The following CELF6 variants were observed in gnomAD, a reference collection of about 807,000 sequenced individuals.
CELF6 encodes CUGBP Elav-like family member 6.
In CELF6, 32 loss-of-function variants were observed where a neutral mutation model predicts 53.1. That is an observed-to-expected ratio of 0.60 (90% CI 0.46 to 0.81). CELF6 has a LOEUF of 0.81. Ranked by LOEUF, CELF6 falls within the 30% of genes least tolerant of loss-of-function variation. The pLI, the probability that CELF6 is intolerant of heterozygous loss-of-function variation, is 0.00. For missense variants in CELF6, 539 were observed against 669.5 expected (o/e 0.81, Z 2.15); for synonymous variants, 291 against 288.8 (o/e 1.01, Z -0.08).
rs146928966 is a variant in CELF6, at chr15:72,290,233, C to T, written c.417G>A (p.Gly139=). The T allele has an allele frequency of 6.2e-7, 1 of 1,613,630 alleles. No individual in the cohort carries two copies. The highest frequency in any genetic ancestry group is 8.5e-7 in the Non-Finnish European group (1 of 1,179,862). Residue 139 remains glycine, a synonymous_variant, in exon 4 of 13, where the codon GGG becomes GGA. Coordinates refer to ENST00000287202, the MANE Select transcript of CELF6 (RefSeq NM_052840.5). ...GRGEDRKLFV[G]MLGKQQGEED... is the part of the protein sequence containing the mutation. ...CCTCACCCTGCTGCTTGCCCAGCAT[C>T]CCCACAAACAGCTTTCGGTCCTCTG...
chr15:72,291,082 T>C (rs1024540255), intron 3 of CELF6, among the ~76,000 whole-genome samples: 1 of 152,198 alleles, frequency 6.6e-6, no homozygotes, highest in African/African-American at 2.4e-5. Flanking sequence ...CCCAAAATGT[T>C]CATGCTATGA....
intron 3 of CELF6, 31 bp downstream of exon 3, chr15:72,304,715 C>T (rs1422514946): frequency 1.2e-6 from 2 of 1,609,682 alleles, no homozygotes; most frequent in African/African-American, 2.7e-5. Context: ...ACACGGGTTG[C>T]AGCCTGAGGT....
chr15:72,287,424 G>T, intron 11 of CELF6, 32 bp from the exon 12 acceptor site: 2 of 1,612,486 alleles, frequency 1.2e-6, no homozygotes, highest in Admixed American at 1.7e-5. Flanking sequence ...ATTAGCTGGG[G>T]ACTCTGCCTA....
chr15:72,308,043 A>C (rs2088252285), intron 2 of CELF6, among the ~76,000 whole-genome samples: 1 of 152,108 alleles, frequency 6.6e-6, no homozygotes, highest in Non-Finnish European at 1.5e-5. Context: ...GGTAGAGCAA[A>C]TTGCTTCCTA....
At chr15:72,293,523 C>G (rs1207843698) in intron 3 of CELF6, among the ~76,000 whole-genome samples, 2 of 152,064 alleles carry the variant, frequency 1.3e-5, no homozygotes, top group Non-Finnish European at 2.9e-5. Flanking sequence ...TGGGTAGTAT[C>G]CTAGAAAGAT....
chr15:72,300,770 G>T (rs1314371325), intron 3 of CELF6, among the ~76,000 whole-genome samples: 8 of 151,976 alleles, frequency 5.3e-5, no homozygotes, highest in Non-Finnish European at 1.2e-4. Context: ...GGAGGCAGAG[G>T]TTGCGTTGAG....
At chr15:72,315,763 C>G in intron 2 of CELF6, 82 bp downstream of exon 2, 1 of 916,510 alleles carries the variant, frequency 1.1e-6, no homozygotes, top group Non-Finnish European at 1.6e-6. Flanking sequence ...CCCAACCCAG[C>G]CCCCACATGC....
At chr15:72,304,838 G>T (rs1234022587) in intron 2 of CELF6, 44 bp from the exon 3 acceptor site, 4 of 1,600,314 alleles carry the variant, frequency 2.5e-6, no homozygotes, top group Non-Finnish European at 3.4e-6. Context: ...GTGACTGCCT[G>T]GTCCTGGAGC....
chr15:72,294,868 C>T (rs1273008879), intron 3 of CELF6, among the ~76,000 whole-genome samples: 1 of 151,462 alleles, frequency 6.6e-6, no homozygotes, highest in Non-Finnish European at 1.5e-5. Context: ...GTCCCAGCTA[C>T]TCGCAAGGCT....
rs542485502 is a variant in CELF6, at chr15:72,294,075, A to G, written c.395-3820T>C. ...ATGAAGCTGCCTTGTGCAGCTGGTC[A>G]TATAGGTCAGGGATTCGAATGCAGC... On this transcript the variant is annotated intron_variant, in intron 3 of 12. Coordinates refer to ENST00000287202, the MANE Select transcript of CELF6 (RefSeq NM_052840.5). Among the ~76,000 whole-genome samples, 416 of 152,302 alleles carry G rather than the reference A, an allele frequency of 2.7e-3. 2 individuals are homozygous for G. The highest frequency in any genetic ancestry group is 9.5e-3 in the African/African-American group (396 of 41,564).
At chr15:72,316,006 A>G (rs941835179) in intron 1 of CELF6, 79 bp from the exon 2 acceptor site, 28 of 940,170 alleles carry the variant, frequency 3.0e-5, no homozygotes, top group Non-Finnish European at 4.1e-5. Context: ...CTAAGTTGAC[A>G]AACTTAAGGC....
rs188313850 is a variant in CELF6, at chr15:72,319,342, A to T, written c.262+271T>A. Among the ~76,000 whole-genome samples the T allele has an allele frequency of 1.3e-5, 2 of 152,152 alleles. No homozygotes were observed. The highest frequency in any genetic ancestry group is 4.8e-5 in the African/African-American group (2 of 41,434). On this transcript the variant is annotated intron_variant, in intron 1 of 12. Transcript: ENST00000287202. The surrounding 1 kb of genome is among the most constrained non-coding windows in gnomAD (Gnocchi z 5.0). ...ATGGGAGAGGTGGTGGAAAGGTCCAATTGAAAGGCAGGGACTGCTGGGATG... is the reference window on the plus strand; with the variant it reads ...ATGGGAGAGGTGGTGGAAAGGTCCATTTGAAAGGCAGGGACTGCTGGGATG...
rs553650318 is a variant in CELF6, at chr15:72,306,185, C to T, written c.346-1391G>A. ...TGGGGATCACATGAGGTAATGGGGA[C>T]GCAAAAGGTCTTTGTAAACTGCCAA... On this transcript the variant is annotated intron_variant, in intron 2 of 12. Coordinates refer to ENST00000287202, the MANE Select transcript of CELF6 (RefSeq NM_052840.5). 2.7e-5 allele frequency: 26 copies of T among 976,746 alleles called. No homozygotes were observed. In the African/African-American group the frequency reaches 3.5e-4, roughly 13 times the overall value. 60.5% of individuals were successfully genotyped at this position (976,746 alleles called of 1,614,324 possible).
chr15:72,288,809 T>C lies in CELF6; in HGVS notation c.1093+59A>G. Reference sequence around the variant, plus strand: ...ACAGAGCCTAAATCCCCCACAACTCTCCCTATTTCTTTCTAGGGCCCTTCA... The same window carrying C: ...ACAGAGCCTAAATCCCCCACAACTCCCCCTATTTCTTTCTAGGGCCCTTCA... On this transcript the variant is annotated intron_variant, in intron 9 of 12. Coordinates refer to ENST00000287202, the MANE Select transcript of CELF6 (RefSeq NM_052840.5). This position sits in a 1 kb window ranked among gnomAD's most constrained non-coding sequence, Gnocchi z 4.6. 6.8e-7 allele frequency: 1 copy of C among 1,467,638 alleles called. No individual in the cohort carries two copies. Among genetic ancestry groups the C allele is most frequent in the Non-Finnish European group, 9.3e-7 (1 of 1,071,070 alleles). 90.9% of individuals were successfully genotyped at this position (1,467,638 alleles called of 1,614,324 possible). A position where few individuals can be genotyped will look rare whatever the true frequency, so the allele number is the denominator to read the frequency against.
At chr15:72,304,559 G>T (rs751355663) in intron 3 of CELF6, among the ~76,000 whole-genome samples, 187 bp downstream of exon 3, 7 of 152,094 alleles carry the variant, frequency 4.6e-5, no homozygotes, top group Non-Finnish European at 7.4e-5. Context: ...GGGCTCCCCA[G>T]AACCCCAGCC....
At position 72,319,952 on chromosome 15, in the gene CELF6, G is replaced by A. The variant is rs2088408387; in HGVS notation, c.-78C>T. On this transcript the variant is annotated 5_prime_UTR_variant, in exon 1 of 13. Transcript: ENST00000287202. The surrounding 1 kb of genome is among the most constrained non-coding windows in gnomAD (Gnocchi z 5.0). Reference sequence around the variant, plus strand: ...CGTCCCCTCCCTGGACCGGTGGCGAGGGCCAGGGGGAGGGGGCGGAGCCCG... The same window carrying A: ...CGTCCCCTCCCTGGACCGGTGGCGAAGGCCAGGGGGAGGGGGCGGAGCCCG... 5 of 1,375,650 alleles carry A rather than the reference G, an allele frequency of 3.6e-6. No individual in the cohort carries two copies. Among genetic ancestry groups the A allele is most frequent in the Middle Eastern group, 2.7e-4 (1 of 3,672 alleles). The allele number at this position is 1,375,650 out of a possible 1,614,324, so 85.2% of individuals were successfully genotyped here. A position where few individuals can be genotyped will look rare whatever the true frequency, so the allele number is the denominator to read the frequency against.
chr15:72,301,155 C>A (rs2088150734), intron 3 of CELF6, among the ~76,000 whole-genome samples: 1 of 152,018 alleles, frequency 6.6e-6, no homozygotes, highest in African/African-American at 2.4e-5. Context: ...CCACACCCAG[C>A]TAATTTTTGC....
In CELF6 at chr15:72,287,320, A is replaced by G. The variant is rs201504443; in HGVS notation, c.1391T>C (p.Met464Thr). ...IQAMNGFQIGMKRLKVQLKRP... is the reference protein window; with the variant it reads ...IQAMNGFQIGTKRLKVQLKRP... ...CTTTAGCTGGACCTTGAGCCTCTTC[A>G]TGCCAATTTGAAAGCCATTCATCGC... Residue 464 changes from methionine to threonine, a missense_variant, in exon 12 of 13, where the codon ATG (methionine) becomes ACG (threonine). This residue lies in a region of CELF6 where 358 missense variants were observed against 412.8 expected (regional missense o/e 0.87). Coordinates refer to ENST00000287202, the MANE Select transcript of CELF6 (RefSeq NM_052840.5). 48 of 1,614,074 alleles carry G rather than the reference A, an allele frequency of 3.0e-5. No individual in the cohort carries two copies. In the Admixed American group the frequency reaches 3.2e-4, roughly 11 times the overall value.
chr15:72,290,254 C>T lies in CELF6; in HGVS notation c.396G>A (p.Glu132=). The change falls in exon 4 of 13, where the codon GAG becomes GAA. Residue 132 remains glutamate (E), a splice_region_variant and synonymous_variant. Coordinates refer to ENST00000287202, the MANE Select transcript of CELF6 (RefSeq NM_052840.5). ...GCATCCCCACAAACAGCTTTCGGTCCTCTGGGGACAAAGCCAGGAATGACC... is the reference window on the plus strand; with the variant it reads ...GCATCCCCACAAACAGCTTTCGGTCTTCTGGGGACAAAGCCAGGAATGACC... ...VKPAASEGRG[E]DRKLFVGMLG... 3.7e-6 allele frequency: 6 copies of T among 1,612,860 alleles called. No individual in the cohort carries two copies. The highest frequency in any genetic ancestry group is 5.1e-6 in the Non-Finnish European group (6 of 1,179,560).
Sources: allele counts gnomAD v4.1 joint callset (sites outside exome capture counted in the v4.1 genomes callset), GRCh38; gene constraint gnomAD v4.1.1; regional missense constraint gnomAD v4.1.1; non-coding constraint Gnocchi (gnomAD v3.1); transcripts MANE v1.5; gene names NCBI Gene and HGNC (gene_info 2026-07-23, HGNC 2026-07-21).